ERC2: variants seen among roughly 807,000 people sequenced by gnomAD.
ERC2 encodes ERC protein 2.
A neutral mutation model predicts 114.8 loss-of-function variants in ERC2; 42 were observed. The observed-to-expected ratio is 0.37, with a 90% CI of 0.29 to 0.47. The LOEUF is 0.47. Ranked by LOEUF, ERC2 falls within the 20% of genes least tolerant of loss-of-function variation. The probability of loss-of-function intolerance (pLI) is 0.99; values close to 1 mark genes in which losing one functional copy is unlikely to be tolerated. For synonymous variants in ERC2, 454 were observed against 425.5 expected (o/e 1.07, Z -0.82); for missense variants, 939 against 1,150.7 (o/e 0.82, Z 2.66).
At chr3:55,630,786 G>A (rs898555014) in intron 17 of ERC2, among the ~76,000 whole-genome samples, 2 of 151,996 alleles carry the variant, frequency 1.3e-5, no homozygotes, top group African/African-American at 4.8e-5. Context: ...TTTTTTTCCT[G>A]CCACTGGGAA....
chr3:55,588,015 A>T (rs1261641834), intron 17 of ERC2, among the ~76,000 whole-genome samples: 1 of 152,206 alleles, frequency 6.6e-6, no homozygotes, highest in Non-Finnish European at 1.5e-5. Flanking sequence ...AGCCTTTTTC[A>T]TTGACCAGAC....
chr3:56,275,331 C>T (rs962639589), intron 3 of ERC2, among the ~76,000 whole-genome samples: 3 of 152,136 alleles, frequency 2.0e-5, no homozygotes, highest in African/African-American at 7.2e-5. Context: ...CCAATGAAAA[C>T]AGCAGAGAGG....
chr3:55,759,332 T>G (rs1466801042), intron 14 of ERC2, among the ~76,000 whole-genome samples: 2 of 152,044 alleles, frequency 1.3e-5, no homozygotes, highest in Non-Finnish European at 2.9e-5. Flanking sequence ...ATATGACTGC[T>G]CCACAGTTCA....
chr3:55,864,174 T>TATATATACAC (rs1559783302), intron 14 of ERC2, among the ~76,000 whole-genome samples: 23 of 123,956 alleles, frequency 1.9e-4, no homozygotes, highest in African/African-American at 6.3e-4. Flanking sequence ...TATACACATA[T>TATATATACAC]ATATATACAC....
intron 2 of ERC2, among the ~76,000 whole-genome samples, chr3:56,315,172 T>C (rs2056804352): frequency 3.9e-5 from 6 of 152,212 alleles, no homozygotes; most frequent in Admixed American, 3.9e-4. Context: ...CTGAATGACT[T>C]ACTAAAGAAC....
chr3:56,359,614 C>G (rs1056627092), intron 2 of ERC2, among the ~76,000 whole-genome samples: 1 of 152,216 alleles, frequency 6.6e-6, no homozygotes, highest in Non-Finnish European at 1.5e-5. Flanking sequence ...ATTTGTGTTG[C>G]TATAAAGTAA....
intron 3 of ERC2, among the ~76,000 whole-genome samples, chr3:56,288,304 G>A (rs1048735280): frequency 1.3e-5 from 2 of 152,002 alleles, no homozygotes; most frequent in African/African-American, 2.4e-5. Context: ...TTTTCAGAGC[G>A]CCATCACACC....
At chr3:56,384,244 G>C (rs890615265) in intron 2 of ERC2, among the ~76,000 whole-genome samples, 1 of 152,106 alleles carries the variant, frequency 6.6e-6, no homozygotes, top group Admixed American at 6.6e-5. Flanking sequence ...GGATCATATA[G>C]TAATTCCATT....
intron 3 of ERC2, among the ~76,000 whole-genome samples, chr3:56,204,244 G>A (rs906468205): frequency 6.6e-6 from 1 of 152,132 alleles, no homozygotes; most frequent in East Asian, 1.9e-4. Flanking sequence ...GTTGCTCTAA[G>A]TGCCATGAGG....
chr3:55,554,325 C>A (rs2055442255), intron 17 of ERC2, among the ~76,000 whole-genome samples: 1 of 152,198 alleles, frequency 6.6e-6, no homozygotes, highest in African/African-American at 2.4e-5. Flanking sequence ...CCAAAGATGG[C>A]CTCTTTGTCA....
At chr3:56,108,839 C>T (rs1430365946) in intron 6 of ERC2, among the ~76,000 whole-genome samples, 1 of 151,970 alleles carries the variant, frequency 6.6e-6, no homozygotes, top group Non-Finnish European at 1.5e-5. Context: ...CTGTAGGATA[C>T]AAGATTAATA....
intron 15 of ERC2, among the ~76,000 whole-genome samples, chr3:55,715,431 G>A (rs1328788062): frequency 6.6e-6 from 1 of 152,136 alleles, no homozygotes; most frequent in Non-Finnish European, 1.5e-5. Flanking sequence ...ATGCAACAAT[G>A]TATAGGCTAA....
At chr3:55,999,906 G>T (rs965897817) in intron 10 of ERC2, among the ~76,000 whole-genome samples, 1 of 151,486 alleles carries the variant, frequency 6.6e-6, no homozygotes, top group South Asian at 2.1e-4. Flanking sequence ...AAAATTAAAG[G>T]CTAAAGACTT....
intron 17 of ERC2, among the ~76,000 whole-genome samples, chr3:55,594,426 G>C (rs1366668171): frequency 6.6e-6 from 1 of 151,406 alleles, no homozygotes; most frequent in Non-Finnish European, 1.5e-5. Flanking sequence ...TCTCCTAGTG[G>C]CTGAAAGTGC....
intron 2 of ERC2, among the ~76,000 whole-genome samples, chr3:56,429,908 T>G (rs891930736): frequency 1.3e-5 from 2 of 152,016 alleles, no homozygotes; most frequent in Non-Finnish European, 2.9e-5. Context: ...TGGGTTCAGC[T>G]CCCTTAGACA....
At chr3:55,971,239 A>C (rs1484212439) in intron 12 of ERC2, among the ~76,000 whole-genome samples, 1 of 152,108 alleles carries the variant, frequency 6.6e-6, no homozygotes, top group Non-Finnish European at 1.5e-5. Flanking sequence ...TGGGGTGATT[A>C]AATTTTAATT....
chr3:55,920,446 A>ACACAC (rs57638674), intron 13 of ERC2, among the ~76,000 whole-genome samples: 6 of 145,446 alleles, frequency 4.1e-5, no homozygotes, highest in Non-Finnish European at 9.0e-5. Flanking sequence ...ACACACACAC[A>ACACAC]CCCCAAGTGA....
chr3:55,952,080 C>A (rs2067560722), intron 12 of ERC2, among the ~76,000 whole-genome samples: 1 of 149,260 alleles, frequency 6.7e-6, no homozygotes, highest in South Asian at 2.1e-4. Context: ...GCAGGAGGAT[C>A]GCTTGAGCCC....
At chr3:56,454,390 C>A (rs932943125) in intron 1 of ERC2, among the ~76,000 whole-genome samples, 1 of 152,112 alleles carries the variant, frequency 6.6e-6, no homozygotes, top group African/African-American at 2.4e-5. Context: ...ATCTTTTAAA[C>A]CTGGATAAGC....
Sources: allele counts gnomAD v4.1 joint callset (sites outside exome capture counted in the v4.1 genomes callset), GRCh38; gene constraint gnomAD v4.1.1; transcripts MANE v1.5; gene names NCBI Gene and HGNC (gene_info 2026-07-23, HGNC 2026-07-21).